NEURL4: variants seen among roughly 807,000 people sequenced by gnomAD.
NEURL4 encodes neuralized-like protein 4.
Under a neutral mutation model 148.0 loss-of-function variants are expected in NEURL4, and 45 were observed. The ratio of observed to expected loss-of-function variants is 0.30; its 90% CI spans 0.24 to 0.39. The LOEUF is 0.39. Ranked by LOEUF, NEURL4 falls within the 10% of genes least tolerant of loss-of-function variation. The pLI is 1.00. For missense variants in NEURL4, 1,776 were observed against 2,144.0 expected (o/e 0.83, Z 3.39); for synonymous variants, 854 against 869.0 (o/e 0.98, Z 0.30).
At chr17:7,323,444 C>T (rs760394004) in intron 14 of NEURL4, 41 bp downstream of exon 14, 7 of 1,600,256 alleles carry the variant, frequency 4.4e-6, no homozygotes, top group Non-Finnish European at 6.0e-6. Context: ...CCAGCCAGCT[C>T]CACTCAGCCC....
chr17:7,323,873 G>A lies in NEURL4; in HGVS notation c.2202C>T (p.Arg734=), dbSNP rs752295647. 6 of 1,613,988 alleles carry A rather than the reference G, an allele frequency of 3.7e-6. No homozygotes were observed. The Admixed American group carries it at 1.0e-4, about 27-fold the overall frequency. Residue 734 remains arginine, a synonymous_variant, in exon 12 of 29, where the codon CGC becomes CGT. Transcript: ENST00000399464. ...TGCGACAGTTGTGGCGGAGGGCGGT[G>A]CGGCCCCCGTTAGTGATGACTGCGT... ...GSNAVITNGG[R]TALRHNCRSE... is the part of the protein sequence containing the mutation.
chr17:7,318,325 G>A lies in NEURL4; in HGVS notation c.3896C>T (p.Ala1299Val), dbSNP rs1055252982. 2.5e-6 allele frequency: 4 copies of A among 1,614,088 alleles called. No homozygotes were observed. Among genetic ancestry groups the A allele is most frequent in the Non-Finnish European group, 3.4e-6 (4 of 1,180,002 alleles). Residue 1299 changes from alanine to valine, a missense_variant, in exon 24 of 29, where the codon GCC (alanine) becomes GTC (valine). Coordinates refer to ENST00000399464, the MANE Select transcript of NEURL4 (RefSeq NM_032442.3). The surrounding 1 kb of genome is among the most constrained non-coding windows in gnomAD (Gnocchi z 4.3). The stretch of plus-strand genomic sequence containing the variant: ...TTGGGTTCCAGCACTTTTCCCACTG[G>A]CAGCCCCTGGCTCAGGGTTCACGAT... ...VTIVNPEPGA[A>V]SGKSAGTQGD...
In NEURL4 at chr17:7,323,033, C is replaced by A; in HGVS notation, c.2508G>T (p.Met836Ile). Residue 836 changes from methionine (M) to isoleucine (I), a missense_variant, in exon 15 of 29, where the codon ATG becomes ATT. Met to Ile is a conservative substitution (Grantham distance 10). Coordinates refer to ENST00000399464, the MANE Select transcript of NEURL4 (RefSeq NM_032442.3). ...DALGTGARIG[M>I]MRTAKGDLHY... Reference sequence around the variant, plus strand: ...GCAGGTCGCCCTTGGCAGTTCGCATCATGCCAATGCGTGCACCTGTGCCCA... The same window carrying A: ...GCAGGTCGCCCTTGGCAGTTCGCATAATGCCAATGCGTGCACCTGTGCCCA... The A allele has an allele frequency of 6.2e-7, 1 of 1,613,758 alleles. No homozygotes were observed. Among genetic ancestry groups the A allele is most frequent in the African/African-American group, 1.3e-5 (1 of 75,030 alleles).
chr17:7,317,704 T>A (rs2072969133), intron 26 of NEURL4, 84 bp downstream of exon 26: 1 of 1,585,992 alleles, frequency 6.3e-7, no homozygotes, highest in African/African-American at 1.3e-5. Context: ...GAAGTTCTAT[T>A]ACTTCTTCCA....
Position 7,327,029 on chromosome 17 carries a change from G to A in NEURL4, c.794-20C>T, listed in dbSNP as rs776478244. 5.6e-6 allele frequency: 9 copies of A among 1,607,262 alleles called. No individual in the cohort carries two copies. In the East Asian group the frequency reaches 1.3e-4, roughly 24 times the overall value. ...CAAAGTCTATAGCAGCAGGATGGAA[G>A]AAGGAAGCTCGGAAGTTGGGATGAG... is the stretch of plus-strand genomic sequence containing the variant. On this transcript the variant is annotated intron_variant, in intron 3 of 28. Transcript: ENST00000399464. The surrounding 1 kb of genome is among the most constrained non-coding windows in gnomAD (Gnocchi z 6.6).
intron 20 of NEURL4, 61 bp from the exon 21 acceptor site, chr17:7,320,984 C>T: frequency 1.2e-6 from 2 of 1,603,474 alleles, no homozygotes; most frequent in Non-Finnish European, 1.7e-6. Flanking sequence ...ACCCACCCCA[C>T]TGGAGTTTGC....
chr17:7,325,148 C>T, intron 8 of NEURL4, 61 bp downstream of exon 8: 5 of 532,666 alleles, frequency 9.4e-6, no homozygotes, highest in South Asian at 1.8e-5. Flanking sequence ...CTTCCTTGCC[C>T]CGCCCCCCCC....
intron 8 of NEURL4, 55 bp downstream of exon 8, chr17:7,325,154 C>A (rs1327209167): frequency 8.7e-6 from 6 of 688,072 alleles, no homozygotes; most frequent in Non-Finnish European, 9.9e-6. Flanking sequence ...TGCCCCGCCC[C>A]CCCCCCCCCA....
In NEURL4 at chr17:7,323,740, G is replaced by C; in HGVS notation, c.2262-17C>G. 1 of 1,613,930 alleles carries C rather than the reference G, an allele frequency of 6.2e-7. No homozygotes were observed. Among genetic ancestry groups the C allele is most frequent in the Non-Finnish European group, 8.5e-7 (1 of 1,179,896 alleles). On this transcript the variant is annotated splice_polypyrimidine_tract_variant and intron_variant, in intron 12 of 28. Transcript: ENST00000399464. ...CGCAGGGCCCTGCCAGGAGACTGGC[G>C]ATCAGAGAGGCTCTACTTGCATGGC...
In NEURL4 at chr17:7,320,785, G is replaced by C. The variant is rs751886926; in HGVS notation, c.3499C>G (p.Pro1167Ala). 6.2e-7 allele frequency: 1 copy of C among 1,613,970 alleles called. No homozygotes were observed. Among genetic ancestry groups the C allele is most frequent in the Admixed American group, 1.7e-5 (1 of 59,994 alleles). Residue 1167 changes from proline to alanine, a missense_variant, in exon 21 of 29, where the codon CCT (proline) becomes GCT (alanine). Pro to Ala is a conservative substitution (Grantham distance 27). Coordinates refer to ENST00000399464, the MANE Select transcript of NEURL4 (RefSeq NM_032442.3). ...YNQGIVVINQ[P>A]LVPQLLVQVR... Reference sequence around the variant, plus strand: ...TGCACCAGCAGCTGGGGCACCAGAGGTTGGTTGATGACAACGATGCCCTGA... The same window carrying C: ...TGCACCAGCAGCTGGGGCACCAGAGCTTGGTTGATGACAACGATGCCCTGA...
chr17:7,322,663 A>AGGT lies in NEURL4; in HGVS notation c.2725+71_2725+72insACC. 6.4e-7 allele frequency: 1 copy of AGGT among 1,569,064 alleles called. No homozygotes were observed. The highest frequency in any genetic ancestry group is 8.6e-7 in the Non-Finnish European group (1 of 1,157,380). On this transcript the variant is annotated intron_variant, in intron 16 of 28. Coordinates refer to ENST00000399464, the MANE Select transcript of NEURL4 (RefSeq NM_032442.3). The surrounding 1 kb of genome is among the most constrained non-coding windows in gnomAD (Gnocchi z 5.5). ...CAACCGTCTTTGCAGAACCTCTCTA[A>AGGT]CCTGGAAACCCTACTCCTCAGGTGC... is the stretch of plus-strand genomic sequence containing the variant.
intron 14 of NEURL4, 91 bp from the exon 15 acceptor site, chr17:7,323,214 G>A: frequency 6.5e-6 from 9 of 1,375,212 alleles, no homozygotes; most frequent in South Asian, 1.3e-5. Flanking sequence ...ACCCTCCAAT[G>A]TCTTGGGCTG....
chr17:7,324,927 T>A lies in NEURL4; in HGVS notation c.1685A>T (p.Asp562Val). The A allele has an allele frequency of 6.2e-7, 1 of 1,614,088 alleles. No homozygotes were observed. Among genetic ancestry groups the A allele is most frequent in the Non-Finnish European group, 8.5e-7 (1 of 1,180,000 alleles). The change falls in exon 9 of 29, where the codon GAT becomes GTT. Residue 562 changes from aspartate to valine, a missense_variant. Asp to Val is a radical substitution (Grantham distance 152, BLOSUM62 -3). Coordinates refer to ENST00000399464, the MANE Select transcript of NEURL4 (RefSeq NM_032442.3). The surrounding 1 kb of genome is among the most constrained non-coding windows in gnomAD (Gnocchi z 5.9). ...GATGCGCACCTGGAACACCTCTCCA[T>A]CCCGCAGGGCTCTGCTGCTCAGCAC... The part of the protein sequence containing the change: ...GVVLSSRALR[D>V]GEVFQVRIDK...
rs769749319 is a variant in NEURL4 at position 7,318,403 on chromosome 17, C to A, written c.3865-47G>T. ...GACAGAGCTTGGTCAGACCCCAGGG[C>A]CTGCTGATCCCTCCCTGGAACAGAG... On this transcript the variant is annotated intron_variant, in intron 23 of 28. Transcript: ENST00000399464. The surrounding 1 kb of genome is among the most constrained non-coding windows in gnomAD (Gnocchi z 4.3). 7 of 1,608,176 alleles carry A rather than the reference C, an allele frequency of 4.4e-6. No homozygotes were observed. The highest frequency in any genetic ancestry group is 6.0e-6 in the Non-Finnish European group (7 of 1,174,854).
Position 7,318,595 on chromosome 17 carries a change from C to T in NEURL4, c.3764G>A (p.Gly1255Glu). The stretch of plus-strand genomic sequence containing the variant: ...CACCCCATTAACATGAAGATGCAGC[C>T]CCCCAGAGCTGTCCAGCCGCAGTCC... Reference protein sequence around the residue: ...ILGLRLDSSGGLHLHVNGVDQ... With the variant: ...ILGLRLDSSGELHLHVNGVDQ... Residue 1255 changes from glycine (G) to glutamate (E), a missense_variant, in exon 23 of 29, where the codon GGG becomes GAG. Coordinates refer to ENST00000399464, the MANE Select transcript of NEURL4 (RefSeq NM_032442.3). The surrounding 1 kb of genome is among the most constrained non-coding windows in gnomAD (Gnocchi z 4.3). 2 of 1,614,066 alleles carry T rather than the reference C, an allele frequency of 1.2e-6. No individual in the cohort carries two copies. Among genetic ancestry groups the T allele is most frequent in the Non-Finnish European group, 1.7e-6 (2 of 1,180,000 alleles).
chr17:7,321,567 C>G lies in NEURL4; in HGVS notation c.3092G>C (p.Arg1031Thr), dbSNP rs1277007980. The G allele has an allele frequency of 3.7e-6, 6 of 1,614,026 alleles. No individual in the cohort carries two copies. Among genetic ancestry groups the G allele is most frequent in the Non-Finnish European group, 5.1e-6 (6 of 1,180,024 alleles). Residue 1031 changes from arginine to threonine, a missense_variant, in exon 18 of 29, where the codon AGG (arginine) becomes ACG (threonine). Arg to Thr is a moderately conservative substitution (Grantham distance 71, BLOSUM62 -1). Coordinates refer to ENST00000399464, the MANE Select transcript of NEURL4 (RefSeq NM_032442.3). The surrounding 1 kb of genome is among the most constrained non-coding windows in gnomAD (Gnocchi z 6.3). ...TGGAGCCAGCCACTTCACCCCCAGCCTCTCTAGGTTCCGGCCATAGTTCAT... is the reference window on the plus strand; with the variant it reads ...TGGAGCCAGCCACTTCACCCCCAGCGTCTCTAGGTTCCGGCCATAGTTCAT... Reference protein sequence around the residue: ...QRMNYGRNLERLGVGSRVGVR... With the variant: ...QRMNYGRNLETLGVGSRVGVR...
In NEURL4 at chr17:7,315,691, C is replaced by T. The variant is rs533503892; in HGVS notation, c.*432G>A. 6.7e-6 allele frequency: 3 copies of T among 447,696 alleles called. No individual in the cohort carries two copies. In the South Asian group the frequency reaches 1.6e-4, roughly 24 times the overall value. 27.7% of individuals were successfully genotyped at this position (447,696 alleles called of 1,614,324 possible). The stretch of plus-strand genomic sequence containing the variant: ...AGAGTCAGTAACAACTGTACAGAGG[C>T]CCCCATCTTCCGTGCGCCCACCCTT... On this transcript the variant is annotated 3_prime_UTR_variant, in exon 29 of 29. Coordinates refer to ENST00000399464, the MANE Select transcript of NEURL4 (RefSeq NM_032442.3).
intron 8 of NEURL4, 78 bp from the exon 9 acceptor site, chr17:7,325,058 C>T: frequency 1.9e-6 from 3 of 1,569,088 alleles, no homozygotes; most frequent in Non-Finnish European, 2.6e-6. Context: ...GCAATGCCTG[C>T]CAACACTCAC....
intron 21 of NEURL4, 38 bp from the exon 22 acceptor site, chr17:7,319,246 T>TG: frequency 1.3e-6 from 2 of 1,571,606 alleles, no homozygotes; most frequent in Non-Finnish European, 1.7e-6. Flanking sequence ...CACAGCCTCC[T>TG]GGGAAGAACC....
Sources: allele counts gnomAD v4.1 joint callset, GRCh38; gene constraint gnomAD v4.1.1; non-coding constraint Gnocchi (gnomAD v3.1); transcripts MANE v1.5; gene names NCBI Gene and HGNC (gene_info 2026-07-23, HGNC 2026-07-21).